The following IGSF10 variants were observed in gnomAD, a reference collection of about 807,000 sequenced individuals.
IGSF10 encodes the protein calvaria mechanical force protein 608.
Under a neutral mutation model 128.2 loss-of-function variants are expected in IGSF10, and 126 were observed. That is an observed-to-expected ratio of 0.98 (90% CI 0.85 to 1.14). The LOEUF (loss-of-function observed/expected upper bound fraction) is 1.14. Among genes scored for constraint, IGSF10 ranks in the 50% most tolerant of loss-of-function variants. The pLI, the probability that IGSF10 is intolerant of heterozygous loss-of-function variation, is 0.00. For synonymous variants in IGSF10, 1,185 were observed against 1,146.2 expected, an observed-to-expected ratio of 1.03 and a Z score of -0.68; for missense variants, 3,295 against 3,149.8, an observed-to-expected ratio of 1.05 and a Z score of -1.10.
chr3:151,449,269 G>GA lies in IGSF10; in HGVS notation c.716-5dup, dbSNP rs759392335. The GA allele has an allele frequency of 4.5e-6, 7 of 1,557,064 alleles. No individual in the cohort carries two copies. Among genetic ancestry groups the GA allele is most frequent in the South Asian group, 2.4e-5 (2 of 82,164 alleles). On this transcript the variant is annotated splice_region_variant and splice_polypyrimidine_tract_variant and intron_variant, in intron 5 of 7. Transcript: ENST00000282466. ...TCTTTTTTGCATTTTATTACATCTGGAAAAAAATCACAATTGAATTATCAG... is the reference window on the plus strand; with the variant it reads ...TCTTTTTTGCATTTTATTACATCTGGAAAAAAAATCACAATTGAATTATCAG...
rs779412922 is a variant in IGSF10 at position 151,446,241 on chromosome 3, A to C, written c.3740T>G (p.Val1247Gly). ...AAGTGTGGTGAAATGGAAAGGGGAG[A>C]CTTTGTCTCTGGGTAAAGCAGGAGA... Reference protein sequence around the residue: ...KTSPALPRDKVSPFHFTTLST... With the variant: ...KTSPALPRDKGSPFHFTTLST... Residue 1247 changes from valine (V) to glycine (G), a missense_variant, in exon 6 of 8, where the codon GTC becomes GGC. Val to Gly is a moderately radical substitution (Grantham distance 109). Coordinates refer to ENST00000282466, the MANE Select transcript of IGSF10 (RefSeq NM_178822.5). The C allele has an allele frequency of 5.6e-6, 9 of 1,613,358 alleles. No homozygotes were observed. In the South Asian group the frequency reaches 7.7e-5, roughly 14 times the overall value.
the IGSF10 span, among the ~76,000 whole-genome samples, chr3:151,493,897 G>A: frequency 5.0e-3 from 760 of 152,048 alleles, 4 homozygotes; most frequent in Non-Finnish European, 8.1e-3. Context: ...CACAGAAACT[G>A]AGATGACAAG....
chr3:151,581,125 T>G, the IGSF10 span, among the ~76,000 whole-genome samples: 1 of 152,186 alleles, frequency 6.6e-6, no homozygotes, highest in African/African-American at 2.4e-5. Context: ...ATGGATCTTT[T>G]TCTCAGTTTT....
chr3:151,457,361 A>AT (rs1560183002), intron 3 of IGSF10, among the ~76,000 whole-genome samples: 1 of 151,506 alleles, frequency 6.6e-6, no homozygotes, highest in African/African-American at 2.4e-5. Context: ...AGTTACAATC[A>AT]CCCCCCTCAT....
chr3:151,490,505 AT>A, the IGSF10 span, among the ~76,000 whole-genome samples: 8,641 of 148,994 alleles, frequency 0.058, 303 homozygotes, highest in African/African-American at 0.1. Context: ...TTTGAACTGC[AT>A]TTTTTTTTTT....
chr3:151,540,390 T>C, the IGSF10 span, among the ~76,000 whole-genome samples: 1 of 152,198 alleles, frequency 6.6e-6, no homozygotes, highest in Non-Finnish European at 1.5e-5. Flanking sequence ...AGTAATACAG[T>C]ATGTACTCTG....
rs1721330512 is a variant in IGSF10 at position 151,448,363 on chromosome 3, TCTGG to T, written c.1614_1617del (p.Gln539TrpfsTer13). On this transcript the variant is annotated frameshift_variant, in exon 6 of 8. Transcript: ENST00000282466. LOFTEE classifies it high-confidence loss of function. The stretch of plus-strand genomic sequence containing the variant: ...ACGCCTGTGTCAAAACTATCAGCCA[TCTGG>T]AGTTCCAATTTTCCACTTTTGTCTA... 1 of 1,614,096 alleles carries T rather than the reference TCTGG, an allele frequency of 6.2e-7. No individual in the cohort carries two copies. The highest frequency in any genetic ancestry group is 8.5e-7 in the Non-Finnish European group (1 of 1,180,030).
the IGSF10 span, among the ~76,000 whole-genome samples, chr3:151,561,074 G>T: frequency 3.3e-5 from 5 of 152,068 alleles, no homozygotes; most frequent in Admixed American, 2.6e-4. Context: ...AATCTGGTTA[G>T]CATTTTTGGA....
chr3:151,571,472 C>T, the IGSF10 span, among the ~76,000 whole-genome samples: 1 of 152,096 alleles, frequency 6.6e-6, no homozygotes, highest in Admixed American at 6.6e-5. Context: ...ATTTTATTCT[C>T]TTTGTTGCAA....
At chr3:151,462,556 G>C (rs191519892), upstream of IGSF10, among the ~76,000 whole-genome samples, 2 of 152,290 alleles carry the variant, frequency 1.3e-5, no homozygotes, top group Non-Finnish European at 2.9e-5. Context: ...GTACATGAAG[G>C]AAAGTGACAG....
rs773153465 is a variant in IGSF10, at chr3:151,447,308, G to A, written c.2673C>T (p.Ser891=). ...QIQGTTNQHS[S]TVFPLLLGAT... ...CTCCAAGTAGCAGTGGAAAGACAGT[G>A]GATGAATGTTGATTGGTTGTGCCTT... Residue 891 remains serine (S), a synonymous_variant, in exon 6 of 8, where the codon TCC becomes TCT. Transcript: ENST00000282466. 1.2e-6 allele frequency: 2 copies of A among 1,614,158 alleles called. No individual in the cohort carries two copies. Among genetic ancestry groups the A allele is most frequent in the Non-Finnish European group, 1.7e-6 (2 of 1,180,044 alleles).
upstream of IGSF10, among the ~76,000 whole-genome samples, chr3:151,462,429 G>C (rs1317286162): frequency 1.3e-5 from 2 of 152,120 alleles, no homozygotes; most frequent in Admixed American, 6.5e-5. Flanking sequence ...GAGAATTGCT[G>C]GTTTAGTGAA....
At chr3:151,554,143 C>T in the IGSF10 span, among the ~76,000 whole-genome samples, 14 of 150,852 alleles carry the variant, frequency 9.3e-5, no homozygotes, top group Middle Eastern at 3.4e-3. Context: ...CACACACACA[C>T]ACACACACAC....
In IGSF10 at chr3:151,438,220, T is replaced by TC. The variant is rs1401122950; in HGVS notation, c.6340dup (p.Glu2114GlyfsTer16). 1.9e-6 allele frequency: 3 copies of TC among 1,614,118 alleles called. No homozygotes were observed. Among genetic ancestry groups the TC allele is most frequent in the Non-Finnish European group, 8.5e-7 (1 of 1,180,024 alleles). ...CTGGGCATAGCAAGTATAATCTCCT[T>TC]CCTCCGCTACCCCAACTTTGTTGAA... On this transcript the variant is annotated frameshift_variant, in exon 8 of 8. Transcript: ENST00000282466. LOFTEE classifies it low-confidence loss of function (END_TRUNC).
chr3:151,567,830 G>A, the IGSF10 span, among the ~76,000 whole-genome samples: 2 of 152,100 alleles, frequency 1.3e-5, no homozygotes, highest in Admixed American at 6.5e-5. Context: ...TGCAGTAAAG[G>A]CGCTGACCCC....
At chr3:151,466,933 G>A in the IGSF10 span, among the ~76,000 whole-genome samples, 1 of 151,950 alleles carries the variant, frequency 6.6e-6, no homozygotes, top group African/African-American at 2.4e-5. Context: ...AACTTAAGAT[G>A]GTCGAAATGA....
the IGSF10 span, among the ~76,000 whole-genome samples, chr3:151,552,268 C>T: frequency 1.3e-5 from 2 of 152,202 alleles, no homozygotes; most frequent in Middle Eastern, 6.8e-3. Flanking sequence ...AACTGTGAGT[C>T]AATTAAACCT....
intron 4 of IGSF10, among the ~76,000 whole-genome samples, chr3:151,455,411 C>T (rs1480250177): frequency 1.3e-5 from 2 of 151,982 alleles, no homozygotes; most frequent in Non-Finnish European, 2.9e-5. Flanking sequence ...CTGCGCCCGG[C>T]CTAAAGTTTC....
chr3:151,533,280 T>C, the IGSF10 span, among the ~76,000 whole-genome samples: 6 of 152,186 alleles, frequency 3.9e-5, no homozygotes, highest in Non-Finnish European at 8.8e-5. Context: ...AAGCTACCAC[T>C]GAGTTTCTTC....
Sources: gnomAD v4.1 joint callset for allele counts (sites outside exome capture counted in the v4.1 genomes callset) on GRCh38, gnomAD v4.1.1 for gene constraint, MANE v1.5 for transcripts, NCBI Gene and HGNC (gene_info 2026-07-23, HGNC 2026-07-21) for gene names.